The following ANKFN1 variants were observed in gnomAD, a reference collection of about 807,000 sequenced individuals.
The protein encoded by ANKFN1 is ankyrin repeat and fibronectin type III domain containing 1, also known as ankyrin repeat and fibronectin type-III domain-containing protein 1.
A neutral mutation model predicts 108.7 loss-of-function variants in ANKFN1; 74 were observed. The observed-to-expected ratio is 0.68, with a 90% CI of 0.56 to 0.83. The LOEUF is 0.83. ANKFN1 is among the 40% of genes least tolerant of loss of function. ANKFN1 has a pLI of 0.00. For missense variants in ANKFN1, 1,505 were observed against 1,382.3 expected, an observed-to-expected ratio of 1.09 and a Z score of -1.41; for synonymous variants, 547 against 516.2, an observed-to-expected ratio of 1.06 and a Z score of -0.81.
chr17:56,252,768 A>G (rs1338660547), intron 3 of ANKFN1, among the ~76,000 whole-genome samples: 2 of 150,550 alleles, frequency 1.3e-5, no homozygotes, highest in Non-Finnish European at 1.5e-5. Flanking sequence ...GATAAAAATA[A>G]TAATTGATGG....
At chr17:56,396,996 T>C (rs2144908013) in intron 8 of ANKFN1, among the ~76,000 whole-genome samples, 1 of 151,884 alleles carries the variant, frequency 6.6e-6, no homozygotes, top group Admixed American at 6.6e-5. Flanking sequence ...TATCAAACTC[T>C]CCTAGTCTAC....
chr17:56,056,376 CAA>C (rs35100387), intron 4 of ANKFN1, among the ~76,000 whole-genome samples: 130 of 135,106 alleles, frequency 9.6e-4, no homozygotes, highest in Non-Finnish European at 1.3e-3. Flanking sequence ...CAATTCTAAG[CAA>C]AAAAAAAAAA....
At chr17:56,243,786 C>T (rs1004889009) in intron 3 of ANKFN1, among the ~76,000 whole-genome samples, 5 of 152,110 alleles carry the variant, frequency 3.3e-5, no homozygotes, top group African/African-American at 1.2e-4. Context: ...TACACACATA[C>T]AGGCATGCAT....
intron 11 of ANKFN1, among the ~76,000 whole-genome samples, chr17:56,451,556 T>C (rs2049488549): frequency 6.6e-6 from 1 of 152,030 alleles, no homozygotes; most frequent in Non-Finnish European, 1.5e-5. Flanking sequence ...TTAGAAAAAG[T>C]AATATTTCAG....
chr17:56,343,227 G>A (rs2046006345), intron 4 of ANKFN1, among the ~76,000 whole-genome samples: 1 of 151,622 alleles, frequency 6.6e-6, no homozygotes, highest in Non-Finnish European at 1.5e-5. Flanking sequence ...ATGTGGATTT[G>A]CATTACTATC....
chr17:56,183,881 A>G (rs1911929285), intron 1 of ANKFN1, among the ~76,000 whole-genome samples: 1 of 152,204 alleles, frequency 6.6e-6, no homozygotes, highest in Admixed American at 6.5e-5. Context: ...ACCAATATTA[A>G]GCAAACTAAA....
At chr17:56,330,583 C>T (rs940183475) in intron 4 of ANKFN1, among the ~76,000 whole-genome samples, 1 of 152,120 alleles carries the variant, frequency 6.6e-6, no homozygotes, top group African/African-American at 2.4e-5. Context: ...GTATGAGCTC[C>T]TTGGGAACAG....
chr17:56,122,410 C>G (rs539624214), intron 4 of ANKFN1, among the ~76,000 whole-genome samples: 2 of 152,122 alleles, frequency 1.3e-5, no homozygotes, highest in Non-Finnish European at 2.9e-5. Context: ...CATGGATTTG[C>G]TTTTCTATGT....
At chr17:56,058,901 G>A (rs1390382208) in intron 4 of ANKFN1, among the ~76,000 whole-genome samples, 2 of 152,186 alleles carry the variant, frequency 1.3e-5, no homozygotes, top group Non-Finnish European at 2.9e-5. Context: ...GCATATGTGT[G>A]CATGTGTCTT....
At chr17:56,283,610 ATAT>A (rs1356150055) in intron 3 of ANKFN1, among the ~76,000 whole-genome samples, 3 of 151,860 alleles carry the variant, frequency 2.0e-5, no homozygotes, top group African/African-American at 7.3e-5. Context: ...GAACTGGAGA[ATAT>A]TATTCTGAGT....
At position 56,062,426 on chromosome 17, in the gene ANKFN1, G is replaced by A. The variant is rs185545956; in HGVS notation, c.288+16101G>A. On this transcript the variant is annotated intron_variant, in intron 4 of 12. Coordinates refer to the ANKFN1 transcript ENST00000635860. ...GACTCTGGGTGCTCCTGTATTAGGTGCATATATATTTAGAATAGTTAGCCC... is the reference window on the plus strand; with the variant it reads ...GACTCTGGGTGCTCCTGTATTAGGTACATATATATTTAGAATAGTTAGCCC... Among the ~76,000 whole-genome samples, 8 of 152,256 alleles carry A rather than the reference G, an allele frequency of 5.3e-5. No homozygotes were observed. In the East Asian group the frequency reaches 9.6e-4, roughly 18 times the overall value.
At chr17:56,154,978 A>G (rs191518403) in intron 1 of ANKFN1, among the ~76,000 whole-genome samples, 15 of 152,320 alleles carry the variant, frequency 9.8e-5, no homozygotes, top group Non-Finnish European at 2.1e-4. Context: ...ATGAAGTGAC[A>G]GAGTTTAAAC....
chr17:56,258,828 G>A (rs537700928), intron 3 of ANKFN1, among the ~76,000 whole-genome samples: 1 of 152,120 alleles, frequency 6.6e-6, no homozygotes, highest in Non-Finnish European at 1.5e-5. Context: ...GGAGAATGGC[G>A]TGAACCCGGG....
At chr17:56,103,275 GA>G (rs10716870) in intron 4 of ANKFN1, among the ~76,000 whole-genome samples, 15,971 of 151,770 alleles carry the variant, frequency 0.11, 1,648 homozygotes, top group African/African-American at 0.27. Flanking sequence ...TGCATCCCTG[GA>G]AAGAACAAGA....
At chr17:56,136,947 C>T (rs1907632953) in intron 4 of ANKFN1, among the ~76,000 whole-genome samples, 1 of 152,190 alleles carries the variant, frequency 6.6e-6, no homozygotes, top group Non-Finnish European at 1.5e-5. Flanking sequence ...ATTAGGGTTA[C>T]TCTTCATACA....
chr17:56,502,220 T>G (rs530003145), intron 20 of ANKFN1, among the ~76,000 whole-genome samples: 26 of 152,328 alleles, frequency 1.7e-4, no homozygotes, highest in African/African-American at 6.0e-4. Context: ...TCCCAGTGTT[T>G]AATCTTCTCT....
In ANKFN1 at chr17:56,394,097, T is replaced by A. The variant is rs569053463; in HGVS notation, c.910+19383T>A. 2.6e-5 allele frequency among the ~76,000 whole-genome samples: 4 copies of A among 152,262 alleles called. No homozygotes were observed. The East Asian group carries it at 7.7e-4, about 29-fold the overall frequency. ...AATTCACTTTGCAGTGTAAAGAAAA[T>A]AAAACCTGTCATTGACCAAAGTGTT... is the stretch of plus-strand genomic sequence containing the variant. On this transcript the variant is annotated intron_variant, in intron 8 of 20. Coordinates refer to ENST00000682825, the MANE Select transcript of ANKFN1 (RefSeq NM_001370326.1).
intron 1 of ANKFN1, among the ~76,000 whole-genome samples, chr17:56,188,579 GTGTATATATATA>G (rs1437480666): frequency 5.6e-5 from 4 of 71,398 alleles, no homozygotes; most frequent in African/African-American, 3.0e-4. Flanking sequence ...GTGTGTGTGT[GTGTATATATATA>G]TATATATATA....
Position 56,449,353 on chromosome 17 carries a change from A to G in ANKFN1, c.1207+167A>G, listed in dbSNP as rs905322242. ...CACTATCTTGCTTTAACCCTTCAGA[A>G]GAGACTTCCCTCTCCTTCGCTCACT... On this transcript the variant is annotated intron_variant, in intron 11 of 20. Transcript: ENST00000682825. Among the ~76,000 whole-genome samples, 3 of 152,086 alleles carry G rather than the reference A, an allele frequency of 2.0e-5. No homozygotes were observed. The East Asian group carries it at 5.8e-4, about 29-fold the overall frequency.
Sources: allele counts gnomAD v4.1 joint callset (sites outside exome capture counted in the v4.1 genomes callset), GRCh38; gene constraint gnomAD v4.1.1; transcripts MANE v1.5; gene names NCBI Gene and HGNC (gene_info 2026-07-23, HGNC 2026-07-21).